DCDC2B: variants seen among roughly 807,000 people sequenced by gnomAD.
DCDC2B encodes doublecortin domain-containing protein 2B.
A neutral mutation model predicts 38.9 loss-of-function variants in DCDC2B; 41 were observed. The ratio of observed to expected loss-of-function variants is 1.05; its 90% CI spans 0.82 to 1.37. DCDC2B has a LOEUF of 1.37. Among genes scored for constraint, DCDC2B ranks in the 40% most tolerant of loss-of-function variants. DCDC2B has a pLI of 0.00. For missense variants in DCDC2B, 453 were observed against 427.2 expected, an observed-to-expected ratio of 1.06 and a Z score of -0.53; for synonymous variants, 181 against 171.9, an observed-to-expected ratio of 1.05 and a Z score of -0.41.
intron 6 of DCDC2B, among the ~76,000 whole-genome samples, chr1:32,213,871 G>C (rs1643687266): frequency 6.7e-6 from 1 of 149,868 alleles, no homozygotes; most frequent in African/African-American, 2.5e-5. Context: ...GGTCAGGCTG[G>C]TCTCAAACTC....
At chr1:32,212,284 C>A in intron 4 of DCDC2B, 83 bp downstream of exon 4, 2 of 1,578,814 alleles carry the variant, frequency 1.3e-6, no homozygotes, top group African/African-American at 1.4e-5. Flanking sequence ...GATGAAGAGG[C>A]AAAAGGAAAG....
chr1:32,212,402 G>A, intron 4 of DCDC2B, 88 bp from the exon 5 acceptor site: 1 of 1,568,400 alleles, frequency 6.4e-7, no homozygotes, highest in Admixed American at 1.8e-5. Context: ...AGGGCACCTT[G>A]GAATAGCTGC....
At position 32,211,761 on chromosome 1, in the gene DCDC2B, G is replaced by C. The variant is rs753877276; in HGVS notation, c.319G>C (p.Gly107Arg). 1.2e-6 allele frequency: 2 copies of C among 1,605,458 alleles called. No homozygotes were observed. Among genetic ancestry groups the C allele is most frequent in the African/African-American group, 1.3e-5 (1 of 74,754 alleles). The change falls in exon 3 of 9, where the codon GGT (glycine) becomes CGT (arginine). Residue 107 changes from glycine to arginine, a missense_variant and splice_region_variant. Gly to Arg is a moderately radical substitution (Grantham distance 125). Coordinates refer to ENST00000409358, the MANE Select transcript of DCDC2B (RefSeq NM_001099434.2). ...DPGGKSCRLQ[G>R]PPVTRHLCDG... ...TTTGGAGGCCTGACATGGGTTTCAG[G>C]GTCCTCCCGTGACTCGCCACTTGTG...
rs757868531 is a variant in DCDC2B at position 32,212,484 on chromosome 1, T to C, written c.528-6T>C. Reference sequence around the variant, plus strand: ...AGCCCTTATCCTCCTCACCTCTCTCTCCCAGACTCTGCACCCTAGAGGGGC... The same window carrying C: ...AGCCCTTATCCTCCTCACCTCTCTCCCCCAGACTCTGCACCCTAGAGGGGC... On this transcript the variant is annotated splice_polypyrimidine_tract_variant and splice_region_variant and intron_variant, in intron 4 of 8. Coordinates refer to ENST00000409358, the MANE Select transcript of DCDC2B (RefSeq NM_001099434.2). 72 of 1,613,736 alleles carry C rather than the reference T, an allele frequency of 4.5e-5. 1 individual carries two copies. The highest frequency in any genetic ancestry group is 3.7e-4 in the South Asian group (34 of 91,090).
intron 1 of DCDC2B, among the ~76,000 whole-genome samples, chr1:32,210,010 T>G (rs960180683): frequency 1.3e-5 from 2 of 152,110 alleles, no homozygotes; most frequent in Non-Finnish European, 2.9e-5. Context: ...CTGGCCAACA[T>G]GGCGAAACTC....
intron 8 of DCDC2B, 100 bp from the exon 9 acceptor site, chr1:32,215,702 T>C: frequency 8.7e-7 from 1 of 1,150,340 alleles, no homozygotes; most frequent in Non-Finnish European, 1.2e-6. Context: ...GTTCCTAATT[T>C]CCAGTTTCTT....
At position 32,214,388 on chromosome 1, in the gene DCDC2B, C is replaced by T. The variant is rs190649633; in HGVS notation, c.715-409C>T. The stretch of plus-strand genomic sequence containing the variant: ...GAGTTATTGAGTGGCAGGGGCCAGA[C>T]CAGAATTCTCATCTGATTTGCAGGA... On this transcript the variant is annotated intron_variant, in intron 6 of 8. Transcript: ENST00000409358. 259 of 168,658 alleles carry T rather than the reference C, an allele frequency of 1.5e-3. 1 individual carries two copies. The highest frequency in any genetic ancestry group is 2.4e-3 in the Non-Finnish European group (185 of 78,256). 10.4% of individuals were successfully genotyped at this position (168,658 alleles called of 1,614,324 possible). A position where few individuals can be genotyped will look rare whatever the true frequency, so the allele number is the denominator to read the frequency against.
Position 32,216,038 on chromosome 1 carries a change from C to A in DCDC2B, c.*141C>A. Reference sequence around the variant, plus strand: ...TGCGGCCTCCTCAGCCCTCCCCGTTCTCCTGCTCCTAAACCCACAGCCCAG... The same window carrying A: ...TGCGGCCTCCTCAGCCCTCCCCGTTATCCTGCTCCTAAACCCACAGCCCAG... On this transcript the variant is annotated 3_prime_UTR_variant, in exon 9 of 9. Coordinates refer to ENST00000409358, the MANE Select transcript of DCDC2B (RefSeq NM_001099434.2). 2.6e-6 allele frequency: 2 copies of A among 778,264 alleles called. No homozygotes were observed. The highest frequency in any genetic ancestry group is 2.1e-6 in the Non-Finnish European group (1 of 476,122). 48.2% of individuals were successfully genotyped at this position (778,264 alleles called of 1,614,324 possible).
chr1:32,212,546 A>G lies in DCDC2B; in HGVS notation c.584A>G (p.His195Arg). ...GCAGGGAAGGAGCTGGTAACTGGCCATTACTATGTGGCTGTCGGAGAGGAT... is the reference window on the plus strand; with the variant it reads ...GCAGGGAAGGAGCTGGTAACTGGCCGTTACTATGTGGCTGTCGGAGAGGAT... ...LSAGKELVTGHYYVAVGEDEF... is the reference protein window; with the variant it reads ...LSAGKELVTGRYYVAVGEDEF... Residue 195 changes from histidine to arginine, a missense_variant, in exon 5 of 9, where the codon CAT becomes CGT. His to Arg is a conservative substitution (Grantham distance 29). Transcript: ENST00000409358. The G allele has an allele frequency of 6.2e-7, 1 of 1,614,014 alleles. No individual in the cohort carries two copies. The highest frequency in any genetic ancestry group is 1.3e-5 in the African/African-American group (1 of 75,044).
chr1:32,215,460 G>GT lies in DCDC2B; in HGVS notation c.871_872insT (p.Ala291ValfsTer17). The GT allele has an allele frequency of 6.2e-7, 1 of 1,613,118 alleles. No individual in the cohort carries two copies. Among genetic ancestry groups the GT allele is most frequent in the Non-Finnish European group, 8.5e-7 (1 of 1,179,720 alleles). On this transcript the variant is annotated frameshift_variant, in exon 8 of 9. Transcript: ENST00000409358. LOFTEE classifies it high-confidence loss of function. ...TTTAGGAGTTATAGGAGTATATGGAGCTCCCCACCGAAGGAAGGAGACAGC... is the reference window on the plus strand; with the variant it reads ...TTTAGGAGTTATAGGAGTATATGGAGTCTCCCCACCGAAGGAAGGAGACAGC...
rs552584926 is a variant in DCDC2B at position 32,209,422 on chromosome 1, A to G, written c.266+63A>G. On this transcript the variant is annotated intron_variant, in intron 1 of 8. Coordinates refer to ENST00000409358, the MANE Select transcript of DCDC2B (RefSeq NM_001099434.2). ...GAGGTAACGGCAAGAGCGTGTATTC[A>G]GTACCTACCATGTATGTACCAGCAT... The G allele has an allele frequency of 3.1e-5, 49 of 1,577,734 alleles. No homozygotes were observed. The African/African-American group carries it at 5.8e-4, about 19-fold the overall frequency.
chr1:32,214,553 G>A (rs182772508), intron 6 of DCDC2B: 17 of 518,958 alleles, frequency 3.3e-5, no homozygotes, highest in Middle Eastern at 1.0e-3. Context: ...GGTGGTGGGG[G>A]TGGGGAAGCA....
At chr1:32,212,835 G>GTGAC (rs1334956873) in intron 6 of DCDC2B, 42 bp downstream of exon 6, 4 of 1,606,042 alleles carry the variant, frequency 2.5e-6, no homozygotes, top group Non-Finnish European at 3.4e-6. Flanking sequence ...AAGAAGGGGA[G>GTGAC]TGACTGGCTG....
intron 1 of DCDC2B, among the ~76,000 whole-genome samples, chr1:32,210,639 C>T (rs1442400067): frequency 2.0e-5 from 3 of 152,062 alleles, no homozygotes; most frequent in Non-Finnish European, 2.9e-5. Context: ...GGAGATAAAA[C>T]GACCTATCTC....
chr1:32,209,321 G>C lies in DCDC2B; in HGVS notation c.228G>C (p.Gln76His). Residue 76 changes from glutamine (Q) to histidine (H), a missense_variant, in exon 1 of 9, where the codon CAG (glutamine) becomes CAC (histidine). Gln to His is a conservative substitution (Grantham distance 24). Coordinates refer to ENST00000409358, the MANE Select transcript of DCDC2B (RefSeq NM_001099434.2). ...TNLADLKNRG[Q>H]YVAAGFERFH... is the part of the protein sequence containing the mutation. ...TGGCAGACTTGAAGAACAGAGGGCA[G>C]TATGTGGCCGCTGGATTTGAACGAT... is the stretch of plus-strand genomic sequence containing the variant. 6.2e-7 allele frequency: 1 copy of C among 1,614,042 alleles called. No homozygotes were observed.
At position 32,215,983 on chromosome 1, in the gene DCDC2B, C is replaced by A. The variant is rs984758640; in HGVS notation, c.*86C>A. ...CTCCAGCAGCTTGTTCCTCAGGAGC[C>A]AGCACCTCCGCTGGGCTCACAGGGT... On this transcript the variant is annotated 3_prime_UTR_variant, in exon 9 of 9. Coordinates refer to ENST00000409358, the MANE Select transcript of DCDC2B (RefSeq NM_001099434.2). 1.7e-6 allele frequency: 2 copies of A among 1,154,530 alleles called. No individual in the cohort carries two copies. The highest frequency in any genetic ancestry group is 2.5e-6 in the Non-Finnish European group (2 of 792,660). The allele number at this position is 1,154,530 out of a possible 1,614,324, so 71.5% of individuals were successfully genotyped here.
At chr1:32,214,681 G>A (rs1638242979) in intron 6 of DCDC2B, 116 bp from the exon 7 acceptor site, 1 of 1,436,608 alleles carries the variant, frequency 7.0e-7, no homozygotes, top group South Asian at 1.4e-5. Context: ...AAGACAGACG[G>A]TGTCTCCTCT....
chr1:32,211,269 C>T lies in DCDC2B; in HGVS notation c.267-3C>T, dbSNP rs1643571730. On this transcript the variant is annotated splice_polypyrimidine_tract_variant and splice_region_variant and intron_variant, in intron 1 of 8. Transcript: ENST00000409358. ...ATGACCTGTGATCTATCTGTCCTTT[C>T]AGCTATTTACCCCATAGAGGGAAGG... The T allele has an allele frequency of 6.2e-7, 1 of 1,613,770 alleles. No individual in the cohort carries two copies. Among genetic ancestry groups the T allele is most frequent in the East Asian group, 2.2e-5 (1 of 44,884 alleles).
chr1:32,211,459 TC>T, intron 2 of DCDC2B, 136 bp downstream of exon 2: 6 of 881,244 alleles, frequency 6.8e-6, no homozygotes, highest in Non-Finnish European at 1.1e-5. Flanking sequence ...CCAGCTACTA[TC>T]TTTCCTGGGG....
Sources: gnomAD v4.1 joint callset for allele counts (sites outside exome capture counted in the v4.1 genomes callset) on GRCh38, gnomAD v4.1.1 for gene constraint, MANE v1.5 for transcripts, NCBI Gene and HGNC (gene_info 2026-07-23, HGNC 2026-07-21) for gene names.